The following NDUFAF2 variants were observed in gnomAD, a reference collection of about 807,000 sequenced individuals.
NDUFAF2 encodes the protein NADH:ubiquinone oxidoreductase complex assembly factor 2, also known as NADH dehydrogenase [ubiquinone] 1 alpha subcomplex assembly factor 2.
NDUFAF2 carries 13 observed loss-of-function variants against 22.8 expected under a neutral mutation model. The observed-to-expected ratio is 0.57, with a 90% CI of 0.37 to 0.91. The LOEUF (loss-of-function observed/expected upper bound fraction) is 0.91. Among genes scored for constraint, NDUFAF2 ranks in the 40% least tolerant of loss-of-function variants. NDUFAF2 has a pLI of 0.01. For missense variants in NDUFAF2, 162 were observed against 195.2 expected, an observed-to-expected ratio of 0.83 and a Z score of 1.01; for synonymous variants, 53 against 64.2, an observed-to-expected ratio of 0.83 and a Z score of 0.84.
intron 1 of NDUFAF2, among the ~76,000 whole-genome samples, chr5:61,009,877 A>G (rs1751422262): frequency 6.6e-6 from 1 of 152,120 alleles, no homozygotes; most frequent in African/African-American, 2.4e-5. Context: ...CTCTAAAAAA[A>G]CAAAGCAAAG....
intron 1 of NDUFAF2, among the ~76,000 whole-genome samples, chr5:60,958,999 T>G (rs532480831): frequency 1.2e-4 from 18 of 152,108 alleles, no homozygotes; most frequent in Non-Finnish European, 2.2e-4. Context: ...TGTTATCCAC[T>G]ATTATATGTA....
intron 1 of NDUFAF2, among the ~76,000 whole-genome samples, chr5:61,040,697 T>C (rs1254147806): frequency 6.6e-6 from 1 of 152,204 alleles, no homozygotes; most frequent in Non-Finnish European, 1.5e-5. Context: ...GGGATAGTCT[T>C]ATTTTTTAAG....
chr5:60,984,534 G>T (rs375178822), intron 1 of NDUFAF2, among the ~76,000 whole-genome samples: 1 of 152,100 alleles, frequency 6.6e-6, no homozygotes, highest in Non-Finnish European at 1.5e-5. Context: ...GGCTGTGGGT[G>T]TGTCATAGAT....
intron 2 of NDUFAF2, among the ~76,000 whole-genome samples, chr5:61,080,111 G>A (rs1214309956): frequency 6.6e-6 from 1 of 151,970 alleles, no homozygotes; most frequent in African/African-American, 2.4e-5. Flanking sequence ...GTACTTGCAT[G>A]AATCAGTAAG....
chr5:61,028,933 A>C (rs1751689947), intron 1 of NDUFAF2, among the ~76,000 whole-genome samples: 1 of 151,984 alleles, frequency 6.6e-6, no homozygotes, highest in Non-Finnish European at 1.5e-5. Flanking sequence ...CCTGATGCTC[A>C]GTTTATGTGT....
At chr5:61,085,807 C>A (rs1752499761) in intron 2 of NDUFAF2, among the ~76,000 whole-genome samples, 1 of 152,042 alleles carries the variant, frequency 6.6e-6, no homozygotes, top group Non-Finnish European at 1.5e-5. Context: ...TATCCAAGAC[C>A]TTTACATTGA....
At chr5:61,149,865 G>A (rs145027145) in intron 3 of NDUFAF2, among the ~76,000 whole-genome samples, 1 of 152,106 alleles carries the variant, frequency 6.6e-6, no homozygotes, top group Non-Finnish European at 1.5e-5. Flanking sequence ...TTCCTATCCT[G>A]TTTTCTCCAC....
intron 3 of NDUFAF2, among the ~76,000 whole-genome samples, chr5:61,137,271 T>G (rs1740974970): frequency 6.6e-6 from 1 of 152,228 alleles, no homozygotes; most frequent in South Asian, 2.1e-4. Flanking sequence ...TCTCTTGAGC[T>G]AGACCCATGG....
intron 2 of NDUFAF2, among the ~76,000 whole-genome samples, chr5:61,095,574 A>G (rs1026132488): frequency 4.1e-5 from 5 of 121,336 alleles, no homozygotes; most frequent in African/African-American, 1.1e-4. Flanking sequence ...TGCAGTCACT[A>G]TTGCCAGGAA....
chr5:61,152,152 A>C (rs1319354144), intron 3 of NDUFAF2, among the ~76,000 whole-genome samples: 2 of 152,198 alleles, frequency 1.3e-5, no homozygotes, highest in African/African-American at 4.8e-5. Context: ...TGTCTAGGGC[A>C]TGCCAAACCC....
At chr5:60,989,985 AT>A (rs1330000541) in intron 1 of NDUFAF2, among the ~76,000 whole-genome samples, 4 of 152,190 alleles carry the variant, frequency 2.6e-5, no homozygotes, top group Non-Finnish European at 5.9e-5. Flanking sequence ...AAAGAATGAG[AT>A]CCTGTCATTT....
At chr5:61,067,407 G>A (rs549299999) in intron 1 of NDUFAF2, among the ~76,000 whole-genome samples, 1 of 151,174 alleles carries the variant, frequency 6.6e-6, no homozygotes, top group Non-Finnish European at 1.5e-5. Flanking sequence ...AGAACATGTG[G>A]TGTTTGGTTT....
chr5:61,136,845 T>C (rs998649918), intron 3 of NDUFAF2, among the ~76,000 whole-genome samples: 19 of 152,140 alleles, frequency 1.2e-4, no homozygotes, highest in African/African-American at 4.6e-4. Flanking sequence ...TCCACCAATT[T>C]CTCACTAAGG....
At chr5:61,087,566 A>G (rs929149769) in intron 2 of NDUFAF2, among the ~76,000 whole-genome samples, 2 of 152,200 alleles carry the variant, frequency 1.3e-5, no homozygotes, top group African/African-American at 2.4e-5. Context: ...AGAGTGTAAA[A>G]TGTTACAACT....
Position 61,003,333 on chromosome 5 carries a change from C to T in NDUFAF2, c.127+57951C>T, listed in dbSNP as rs62367882. ...ACTCTTATAATTCTAAGAATATTGTCTCAAGTTTTGTTGCTGAAATGGCAA... is the reference window on the plus strand; with the variant it reads ...ACTCTTATAATTCTAAGAATATTGTTTCAAGTTTTGTTGCTGAAATGGCAA... On this transcript the variant is annotated intron_variant, in intron 1 of 3. Transcript: ENST00000296597. Among the ~76,000 whole-genome samples, 446 of 152,122 alleles carry T rather than the reference C, an allele frequency of 2.9e-3. 1 individual carries two copies. The highest frequency in any genetic ancestry group is 5.6e-3 in the Non-Finnish European group (378 of 67,962).
At chr5:61,125,493 A>G (rs1312899534) in intron 3 of NDUFAF2, among the ~76,000 whole-genome samples, 1 of 152,056 alleles carries the variant, frequency 6.6e-6, no homozygotes, top group African/African-American at 2.4e-5. Context: ...ATTTCATGCC[A>G]TGTGCCTATA....
At chr5:60,973,387 G>A (rs993015682) in intron 1 of NDUFAF2, among the ~76,000 whole-genome samples, 1 of 151,894 alleles carries the variant, frequency 6.6e-6, no homozygotes, top group East Asian at 1.9e-4. Flanking sequence ...CTGTTGCCTT[G>A]CTTTCTATGT....
At chr5:61,064,391 C>A (rs248682) in intron 1 of NDUFAF2, among the ~76,000 whole-genome samples, 91,146 of 151,894 alleles carry the variant, frequency 0.6, 28,107 homozygotes, top group East Asian at 0.94. Flanking sequence ...CTTTTGACCA[C>A]TTGGAACTAA....
At chr5:61,089,443 TTAA>T (rs1435577677) in intron 2 of NDUFAF2, among the ~76,000 whole-genome samples, 1 of 152,136 alleles carries the variant, frequency 6.6e-6, no homozygotes, top group Non-Finnish European at 1.5e-5. Flanking sequence ...TGTCTTGATA[TTAA>T]TGCAAACTTC....
Sources: allele counts gnomAD v4.1 joint callset (sites outside exome capture counted in the v4.1 genomes callset), GRCh38; gene constraint gnomAD v4.1.1; transcripts MANE v1.5; gene names NCBI Gene and HGNC (gene_info 2026-07-23, HGNC 2026-07-21).